The following SLIT2 variants were observed in gnomAD, a reference collection of about 807,000 sequenced individuals.
The protein encoded by SLIT2 is slit guidance ligand 2, also known as slit homolog 2 protein.
A neutral mutation model predicts 185.7 loss-of-function variants in SLIT2; 41 were observed. The ratio of observed to expected loss-of-function variants is 0.22; its 90% CI spans 0.17 to 0.29. SLIT2 has a LOEUF of 0.29. Ranked by LOEUF, SLIT2 falls within the 10% of genes least tolerant of loss-of-function variation. SLIT2 has a pLI of 1.00. For synonymous variants in SLIT2, 693 were observed against 680.2 expected (o/e 1.02, Z -0.29); for missense variants, 1,571 against 1,909.0 (o/e 0.82, Z 3.30).
chr4:20,353,526 T>A (rs954339880), intron 4 of SLIT2, among the ~76,000 whole-genome samples: 8 of 151,758 alleles, frequency 5.3e-5, no homozygotes, highest in African/African-American at 1.9e-4. Flanking sequence ...AATATTTATT[T>A]AAAAAAAACA....
intron 4 of SLIT2, among the ~76,000 whole-genome samples, chr4:20,379,576 A>C (rs1417942301): frequency 6.6e-6 from 1 of 152,140 alleles, no homozygotes; most frequent in African/African-American, 2.4e-5. Context: ...AGCCACTGTG[A>C]ATGTGTGTTC....
intron 6 of SLIT2, among the ~76,000 whole-genome samples, chr4:20,485,253 G>T (rs1717102884): frequency 6.6e-6 from 1 of 152,048 alleles, no homozygotes; most frequent in African/African-American, 2.4e-5. Context: ...ATTAGTTTTT[G>T]TAATTTGTCC....
Position 20,618,944 on chromosome 4 carries a change from G to A in SLIT2, c.4525G>A (p.Gly1509Ser), listed in dbSNP as rs747508378. 37 of 1,613,984 alleles carry A rather than the reference G, an allele frequency of 2.3e-5. No individual in the cohort carries two copies. The highest frequency in any genetic ancestry group is 3.0e-5 in the Non-Finnish European group (35 of 1,180,026). Residue 1509 changes from glycine to serine, a missense_variant, in exon 37 of 37, where the codon GGC becomes AGC. Transcript: ENST00000504154. The stretch of plus-strand genomic sequence containing the variant: ...GAAATACTCTTTCGAATGCACTGAC[G>A]GCTCCTCCTTTGTGGACGAGGTTGA... Reference protein sequence around the residue: ...RRKYSFECTDGSSFVDEVEKV... With the variant: ...RRKYSFECTDSSSFVDEVEKV...
intron 4 of SLIT2, among the ~76,000 whole-genome samples, chr4:20,372,898 A>G (rs994938511): frequency 6.6e-6 from 1 of 152,120 alleles, no homozygotes; most frequent in Admixed American, 6.6e-5. Context: ...GTCATATTTA[A>G]TAAACCTAAT....
At position 20,282,675 on chromosome 4, in the gene SLIT2, G is replaced by A. The variant is rs1254562453; in HGVS notation, c.395+13794G>A. ...GTACACTTGTGTGTTAATCTTAAAG[G>A]CATACTACAATAAATAAATCTGTTT... is the stretch of plus-strand genomic sequence containing the variant. On this transcript the variant is annotated intron_variant, in intron 4 of 36. Coordinates refer to ENST00000504154, the MANE Select transcript of SLIT2 (RefSeq NM_004787.4). Among the ~76,000 whole-genome samples the A allele has an allele frequency of 2.0e-5, 3 of 152,150 alleles. No individual in the cohort carries two copies. The East Asian group carries it at 5.8e-4, about 29-fold the overall frequency.
At chr4:20,508,141 T>C (rs1362638077) in intron 9 of SLIT2, among the ~76,000 whole-genome samples, 1 of 152,086 alleles carries the variant, frequency 6.6e-6, no homozygotes, top group Non-Finnish European at 1.5e-5. Context: ...ATTTCCATCA[T>C]ACAGTTTATT....
chr4:20,588,905 G>A (rs1727282570), intron 29 of SLIT2, among the ~76,000 whole-genome samples: 1 of 152,110 alleles, frequency 6.6e-6, no homozygotes, highest in Non-Finnish European at 1.5e-5. Flanking sequence ...TCTGTATTGA[G>A]TCTCCTTTTA....
At position 20,598,505 on chromosome 4, in the gene SLIT2, G is replaced by C. The variant is rs1481805778; in HGVS notation, c.3692+110G>C. 6.3e-6 allele frequency: 8 copies of C among 1,275,898 alleles called. No homozygotes were observed. In the Admixed American group the frequency reaches 1.5e-4, roughly 24 times the overall value. 79.0% of individuals were successfully genotyped at this position (1,275,898 alleles called of 1,614,324 possible). On this transcript the variant is annotated intron_variant, in intron 33 of 36. Coordinates refer to ENST00000504154, the MANE Select transcript of SLIT2 (RefSeq NM_004787.4). ...GAGAGAGACTAAGTTGGCCCCAGCA[G>C]GTTTTAGGATGAGGGTATTAGTGAA...
At chr4:20,519,108 A>C (rs1720588269) in intron 11 of SLIT2, among the ~76,000 whole-genome samples, 1 of 152,194 alleles carries the variant, frequency 6.6e-6, no homozygotes, top group Non-Finnish European at 1.5e-5. Flanking sequence ...CTTAAAAGGA[A>C]ACATTTCTAT....
At chr4:20,563,595 T>C (rs150659758) in intron 26 of SLIT2, among the ~76,000 whole-genome samples, 3,464 of 151,852 alleles carry the variant, frequency 0.023, 83 homozygotes, top group South Asian at 0.089. Flanking sequence ...ATGGGTTTCC[T>C]AATAGTCCCT....
rs1007204670 is a variant in SLIT2, at chr4:20,371,895, A to G, written c.396-95857A>G. 2.6e-5 allele frequency among the ~76,000 whole-genome samples: 4 copies of G among 152,064 alleles called. No individual in the cohort carries two copies. The South Asian group carries it at 8.3e-4, about 32-fold the overall frequency. On this transcript the variant is annotated intron_variant, in intron 4 of 36. Coordinates refer to ENST00000504154, the MANE Select transcript of SLIT2 (RefSeq NM_004787.4). ...TTATCCATTTACCTATTTTAATTAC[A>G]AGGAAGAGCTCCAAAGAAATAGGAA...
At chr4:20,396,992 G>A (rs1053931355) in intron 4 of SLIT2, among the ~76,000 whole-genome samples, 19 of 150,230 alleles carry the variant, frequency 1.3e-4, no homozygotes, top group South Asian at 6.3e-4. Flanking sequence ...ATTAATTTAC[G>A]CATATATTTC....
intron 4 of SLIT2, among the ~76,000 whole-genome samples, chr4:20,443,703 G>T (rs191755501): frequency 2.6e-5 from 4 of 151,946 alleles, no homozygotes; most frequent in Admixed American, 2.0e-4. Context: ...CTTAGGTGCT[G>T]GAAATATTTA....
chr4:20,316,628 C>T (rs894042561), intron 4 of SLIT2, among the ~76,000 whole-genome samples: 1 of 151,032 alleles, frequency 6.6e-6, no homozygotes, highest in Non-Finnish European at 1.5e-5. Context: ...GAAAGTATTG[C>T]CTTTTATTAT....
intron 18 of SLIT2, among the ~76,000 whole-genome samples, chr4:20,537,041 C>T (rs912310516): frequency 5.9e-5 from 9 of 152,254 alleles, no homozygotes; most frequent in African/African-American, 2.2e-4. Flanking sequence ...ATAGCAATAC[C>T]TTCTTCTGGA....
intron 4 of SLIT2, among the ~76,000 whole-genome samples, chr4:20,339,090 C>CAAAAAAAAAAAA (rs398051113): frequency 1.4e-5 from 1 of 70,748 alleles, no homozygotes; most frequent in Non-Finnish European, 2.5e-5. Context: ...GAGACACTCT[C>CAAAAAAAAAAAA]AAAAAAAAAA....
At chr4:20,575,719 G>A (rs1294153603) in intron 29 of SLIT2, among the ~76,000 whole-genome samples, 2 of 151,674 alleles carry the variant, frequency 1.3e-5, no homozygotes, top group Non-Finnish European at 1.5e-5. Flanking sequence ...TCTTCAGCTC[G>A]CTGTGCACAA....
At chr4:20,382,815 G>A (rs1190121259) in intron 4 of SLIT2, among the ~76,000 whole-genome samples, 1 of 151,984 alleles carries the variant, frequency 6.6e-6, no homozygotes, top group Non-Finnish European at 1.5e-5. Context: ...TTGATATGGA[G>A]ATGAAATACA....
At chr4:20,473,485 A>G (rs753047393) in intron 5 of SLIT2, among the ~76,000 whole-genome samples, 1 of 152,026 alleles carries the variant, frequency 6.6e-6, no homozygotes, top group Non-Finnish European at 1.5e-5. Context: ...TTTGGAATAC[A>G]TTATTTATTA....
Sources: allele counts gnomAD v4.1 joint callset (sites outside exome capture counted in the v4.1 genomes callset), GRCh38; gene constraint gnomAD v4.1.1; transcripts MANE v1.5; gene names NCBI Gene and HGNC (gene_info 2026-07-23, HGNC 2026-07-21).